Variants in DLG2 observed in about 807,000 individuals in gnomAD.
DLG2 encodes discs large MAGUK scaffold protein 2, also known as disks large homolog 2.
Under a neutral mutation model 132.5 loss-of-function variants are expected in DLG2, and 45 were observed. That is an observed-to-expected ratio of 0.34 (90% confidence interval 0.27 to 0.44). DLG2 has a LOEUF of 0.44. DLG2 is among the 20% of genes least tolerant of loss of function. The pLI is 1.00. For synonymous variants in DLG2, 424 were observed against 419.6 expected (o/e 1.01, Z -0.13); for missense variants, 1,045 against 1,196.9 (o/e 0.87, Z 1.87).
chr11:84,055,307 C>T (rs2096479790), intron 11 of DLG2, among the ~76,000 whole-genome samples: 1 of 152,076 alleles, frequency 6.6e-6, no homozygotes, highest in African/African-American at 2.4e-5. Flanking sequence ...CCAAGTAACC[C>T]CTAACTGATC....
At chr11:84,429,219 C>T (rs891027507) in intron 7 of DLG2, among the ~76,000 whole-genome samples, 6 of 152,102 alleles carry the variant, frequency 3.9e-5, no homozygotes, top group Non-Finnish European at 7.4e-5. Flanking sequence ...TAGTGCTAGG[C>T]GTTTTGCTAG....
intron 6 of DLG2, among the ~76,000 whole-genome samples, chr11:84,672,496 C>A (rs916198935): frequency 3.9e-5 from 6 of 152,148 alleles, no homozygotes; most frequent in African/African-American, 1.4e-4. Flanking sequence ...AAGCCTCAGC[C>A]TTACAATAAG....
intron 3 of DLG2, among the ~76,000 whole-genome samples, chr11:85,330,792 T>TAAAAAAAAAAAAAAAAAAAAAAATA (rs56995757): frequency 8.6e-6 from 1 of 116,492 alleles, no homozygotes; most frequent in African/African-American, 3.1e-5. Flanking sequence ...AAAAAAAAAT[T>TAAAAAAAAAAAAAAAAAAAAAAATA]AAAAAAAAAA....
chr11:85,201,627 G>T (rs2081467339), intron 4 of DLG2, among the ~76,000 whole-genome samples: 1 of 152,148 alleles, frequency 6.6e-6, no homozygotes, highest in Non-Finnish European at 1.5e-5. Flanking sequence ...CTCTAAAGAA[G>T]TACAGGCACA....
intron 8 of DLG2, among the ~76,000 whole-genome samples, chr11:84,197,415 A>G (rs183900569): frequency 4.6e-4 from 70 of 152,328 alleles, no homozygotes; most frequent in African/African-American, 1.6e-3. Flanking sequence ...TTGTATAGCC[A>G]TTTTTAAAAT....
At chr11:84,558,900 C>A (rs1463538750) in intron 6 of DLG2, among the ~76,000 whole-genome samples, 1 of 152,116 alleles carries the variant, frequency 6.6e-6, no homozygotes, top group Non-Finnish European at 1.5e-5. Flanking sequence ...GGGTCTCCTC[C>A]AGCAGTTAGC....
At chr11:83,544,060 A>G (rs1376352367) in intron 19 of DLG2, among the ~76,000 whole-genome samples, 1 of 152,154 alleles carries the variant, frequency 6.6e-6, no homozygotes, top group African/African-American at 2.4e-5. Flanking sequence ...CTGGACATTG[A>G]GTCTCTAATA....
intron 6 of DLG2, among the ~76,000 whole-genome samples, chr11:84,704,884 C>T (rs531885253): frequency 6.7e-6 from 1 of 149,004 alleles, no homozygotes; most frequent in Non-Finnish European, 1.5e-5. Context: ...CATATATATA[C>T]ACATTATGTA....
At chr11:83,995,899 A>G (rs1437447846) in intron 11 of DLG2, among the ~76,000 whole-genome samples, 3 of 152,202 alleles carry the variant, frequency 2.0e-5, no homozygotes, top group South Asian at 2.1e-4. Context: ...GAAGATTTCT[A>G]TGACATTGGT....
chr11:84,898,872 C>T (rs2090532517), intron 6 of DLG2, among the ~76,000 whole-genome samples: 1 of 152,048 alleles, frequency 6.6e-6, no homozygotes, highest in African/African-American at 2.4e-5. Flanking sequence ...GTAGTAAGCT[C>T]TGTATATCTC....
At chr11:84,214,240 A>AATAC (rs1555427233) in intron 8 of DLG2, among the ~76,000 whole-genome samples, 2 of 129,332 alleles carry the variant, frequency 1.5e-5, no homozygotes, top group African/African-American at 8.4e-5. Context: ...CATATATATG[A>AATAC]ATATATATAT....
intron 3 of DLG2, among the ~76,000 whole-genome samples, chr11:85,540,094 G>C (rs1289824152): frequency 1.3e-5 from 2 of 152,186 alleles, no homozygotes; most frequent in African/African-American, 2.4e-5. Flanking sequence ...TACTGATAAA[G>C]GGGCAAAGCG....
In DLG2 at chr11:84,705,021, G is replaced by C. The variant is rs145088643; in HGVS notation, c.358-170290C>G. On this transcript the variant is annotated intron_variant, in intron 6 of 27. Transcript: ENST00000376104. ...TCTAGAAAAGGATTTGAGGTGGCTT[G>C]CTAGTTAATTTAAGAACAAACTTTT... Among the ~76,000 whole-genome samples the C allele has an allele frequency of 6.5e-4, 99 of 151,582 alleles. 1 individual carries two copies. The highest frequency in any genetic ancestry group is 2.4e-3 in the African/African-American group (98 of 41,436).
chr11:84,709,320 G>GA (rs140802551), intron 6 of DLG2, among the ~76,000 whole-genome samples: 3,812 of 151,870 alleles, frequency 0.025, 166 homozygotes, highest in African/African-American at 0.088. Flanking sequence ...GTATGAACAT[G>GA]AAAAAGCTTC....
chr11:83,839,209 T>C (rs2056982707), intron 16 of DLG2, among the ~76,000 whole-genome samples: 1 of 152,216 alleles, frequency 6.6e-6, no homozygotes, highest in African/African-American at 2.4e-5. Flanking sequence ...TTTTAAAATA[T>C]ATTATTTGGA....
At chr11:85,149,278 C>T (rs2077066662) in intron 5 of DLG2, among the ~76,000 whole-genome samples, 1 of 152,014 alleles carries the variant, frequency 6.6e-6, no homozygotes, top group South Asian at 2.1e-4. Context: ...TTTTCTAATT[C>T]TGTGAAGAAT....
intron 6 of DLG2, among the ~76,000 whole-genome samples, chr11:84,983,365 G>A (rs997884583): frequency 3.3e-5 from 5 of 152,060 alleles, no homozygotes; most frequent in African/African-American, 1.2e-4. Context: ...TAGACTTGCT[G>A]GGTGGCTAGA....
chr11:83,936,728 A>C (rs1356983076), intron 14 of DLG2, among the ~76,000 whole-genome samples: 1 of 152,192 alleles, frequency 6.6e-6, no homozygotes, highest in Non-Finnish European at 1.5e-5. Context: ...CAACAAAATT[A>C]GGCTCTCTCA....
rs907642237 is a variant in DLG2, at chr11:84,796,268, C to T, written c.358-261537G>A. ...CAAAAATTAAAAATAAATTTAAAAA[C>T]TAATAAAAAATGGATCATTTTAACT... is the stretch of plus-strand genomic sequence containing the variant. On this transcript the variant is annotated intron_variant, in intron 6 of 27. Transcript: ENST00000376104. Among the ~76,000 whole-genome samples, 59 of 152,240 alleles carry T rather than the reference C, an allele frequency of 3.9e-4. 1 individual carries two copies. Among genetic ancestry groups the T allele is most frequent in the African/African-American group, 1.3e-3 (53 of 41,526 alleles).
Sources: allele counts gnomAD v4.1 joint callset (sites outside exome capture counted in the v4.1 genomes callset), GRCh38; gene constraint gnomAD v4.1.1; transcripts MANE v1.5; gene names NCBI Gene and HGNC (gene_info 2026-07-23, HGNC 2026-07-21).